Variants in DHX58 observed in about 807,000 individuals in gnomAD.
DHX58 encodes DExH-box helicase 58.
DHX58 carries 51 observed loss-of-function variants against 65.0 expected under a neutral mutation model. The observed-to-expected ratio is 0.78, with a 90% confidence interval of 0.63 to 0.99. DHX58 has a LOEUF of 0.99. DHX58 is among the 50% of genes least tolerant of loss of function. The probability of loss-of-function intolerance (pLI) is 0.00; values close to 1 mark genes in which losing one functional copy is unlikely to be tolerated. For missense variants in DHX58, 773 were observed against 891.8 expected (o/e 0.87, Z 1.70); for synonymous variants, 350 against 365.0 (o/e 0.96, Z 0.47).
Position 42,102,330 on chromosome 17 carries a change from T to G in DHX58, c.1755-18A>C. ...AGTAGTTCCTGGAGAGGAAGGGGGG[T>G]GGCCACAGCCCTCATTGACCCTCCT... On this transcript the variant is annotated intron_variant, in intron 12 of 13. Coordinates refer to ENST00000251642, the MANE Select transcript of DHX58 (RefSeq NM_024119.3). The G allele has an allele frequency of 6.2e-7, 1 of 1,609,070 alleles. No homozygotes were observed. Among genetic ancestry groups the G allele is most frequent in the Non-Finnish European group, 8.5e-7 (1 of 1,175,652 alleles).
intron 12 of DHX58, chr17:42,102,518 C>T (rs1414975857): frequency 5.5e-6 from 3 of 549,944 alleles, no homozygotes; most frequent in Non-Finnish European, 9.8e-6. Flanking sequence ...AGGTTCAAGC[C>T]TCAGCATCGG....
At position 42,110,793 on chromosome 17, in the gene DHX58, A is replaced by G; in HGVS notation, c.491T>C (p.Leu164Pro). The part of the protein sequence containing the change: ...LQRAQPLPQV[L>P]GLTASPGTGG... ...AGTGCCTGGGGAGGCTGTGAGACCC[A>G]GCACCTGGGGTAGCGGCTGTGCCCT... The change falls in exon 5 of 14, where the codon CTG becomes CCG. Residue 164 changes from leucine to proline, a missense_variant. By Grantham distance (98) the Leu-to-Pro change is moderately conservative. Coordinates refer to ENST00000251642, the MANE Select transcript of DHX58 (RefSeq NM_024119.3). 1 of 1,613,878 alleles carries G rather than the reference A, an allele frequency of 6.2e-7. No homozygotes were observed. Among genetic ancestry groups the G allele is most frequent in the Non-Finnish European group, 8.5e-7 (1 of 1,179,896 alleles).
chr17:42,101,836 G>A lies in DHX58; in HGVS notation c.1962C>T (p.Arg654=), dbSNP rs140725724. Residue 654 remains arginine, a synonymous_variant, in exon 14 of 14, where the codon CGC becomes CGT. Coordinates refer to ENST00000251642, the MANE Select transcript of DHX58 (RefSeq NM_024119.3). ...QGRIQAKKWS[R]VPFSVPDFDF... is the part of the protein sequence containing the mutation. ...CAAAGTCAGGCACGGAGAAGGGCACGCGGGACCACTTTTTGGCCTGGATCC... is the reference window on the plus strand; with the variant it reads ...CAAAGTCAGGCACGGAGAAGGGCACACGGGACCACTTTTTGGCCTGGATCC... 34 of 1,614,132 alleles carry A rather than the reference G, an allele frequency of 2.1e-5. No homozygotes were observed. Among genetic ancestry groups the A allele is most frequent in the South Asian group, 3.3e-5 (3 of 91,094 alleles).
chr17:42,110,551 C>CT (rs2054133086), intron 5 of DHX58, among the ~76,000 whole-genome samples, 172 bp downstream of exon 5: 1 of 152,184 alleles, frequency 6.6e-6, no homozygotes, highest in Non-Finnish European at 1.5e-5. Flanking sequence ...GGAGTTAATT[C>CT]TTTGTACCAT....
In DHX58 at chr17:42,105,979, A is replaced by G; in HGVS notation, c.1008T>C (p.Asn336=). 6.2e-7 allele frequency: 1 copy of G among 1,612,900 alleles called. No homozygotes were observed. The highest frequency in any genetic ancestry group is 8.5e-7 in the Non-Finnish European group (1 of 1,179,572). ...RLLALFDDRK[N]ELAHLATHGP... ...CATGAGTTGCCAAGTGGGCCAGCTC[A>G]TTCTTGCGGTCTGTCAAAAACCCCA... Residue 336 remains asparagine, a synonymous_variant, in exon 9 of 14, where the codon AAT becomes AAC. Transcript: ENST00000251642.
chr17:42,104,780 C>A lies in DHX58; in HGVS notation c.1549G>T (p.Glu517Ter). Residue 517 changes from glutamate (E) to a stop codon, truncating the protein, a stop_gained, in exon 11 of 14, where the codon GAG becomes TAG. Transcript: ENST00000251642. LOFTEE classifies it high-confidence loss of function. ...VAAVQKMDQA[E>*]YQAKIRDLQQ... Reference sequence around the variant, plus strand: ...TGCCTGCAGACCTTGGCCTGGTACTCGGCCTGGTCCATTTTCTGCACAGCA... The same window carrying A: ...TGCCTGCAGACCTTGGCCTGGTACTAGGCCTGGTCCATTTTCTGCACAGCA... 6.2e-7 allele frequency: 1 copy of A among 1,613,928 alleles called. No homozygotes were observed.
rs782627793 is a variant in DHX58, at chr17:42,110,894, C to T, written c.390G>A (p.Val130=). The change falls in exon 5 of 14, where the codon GTG becomes GTA. Residue 130 remains valine (V), a synonymous_variant. Transcript: ENST00000251642. ...CCTTGTGCGTGTGGTGGCACTCATC[C>T]ACCACGATCAGGGAGAAGACTGAGG... is the stretch of plus-strand genomic sequence containing the variant. The part of the protein sequence containing the change: ...VELTVFSLIV[V]DECHHTHKDT... 14 of 1,610,264 alleles carry T rather than the reference C, an allele frequency of 8.7e-6. No individual in the cohort carries two copies. The highest frequency in any genetic ancestry group is 1.2e-5 in the Non-Finnish European group (14 of 1,178,086).
At chr17:42,102,601 C>T (rs2053996534) in intron 12 of DHX58, 2 of 346,590 alleles carry the variant, frequency 5.8e-6, no homozygotes, top group Non-Finnish European at 5.3e-6. Flanking sequence ...GCCATCCTTC[C>T]ACCAACTGCT....
intron 8 of DHX58, among the ~76,000 whole-genome samples, chr17:42,106,445 G>C (rs1340797416): frequency 2.4e-5 from 3 of 122,856 alleles, no homozygotes; most frequent in Non-Finnish European, 5.0e-5. Context: ...GGGGGGTGGG[G>C]GGTGGGGGAA....
chr17:42,103,659 T>C lies in DHX58; in HGVS notation c.1703A>G (p.Asp568Gly). 6.2e-7 allele frequency: 1 copy of C among 1,613,958 alleles called. No individual in the cohort carries two copies. The highest frequency in any genetic ancestry group is 8.5e-7 in the Non-Finnish European group (1 of 1,180,026). The change falls in exon 12 of 14, where the codon GAC becomes GGC. Residue 568 changes from aspartate (D) to glycine (G), a missense_variant. By Grantham distance (94) the Asp-to-Gly change is moderately conservative. Coordinates refer to ENST00000251642, the MANE Select transcript of DHX58 (RefSeq NM_024119.3). ...NCMVAVGHGS[D>G]LRKVEGTHHV... ...GTGGGTGCCCTCCACCTTCCGCAGG[T>C]CGCTGCCATGGCCCACAGCCACCAT...
At chr17:42,107,912 C>A (rs2054089455) in intron 7 of DHX58, 70 bp downstream of exon 7, 1 of 1,603,436 alleles carries the variant, frequency 6.2e-7, no homozygotes, top group East Asian at 2.2e-5. Context: ...CCAAAGGCCT[C>A]CGCCCCGGCA....
intron 8 of DHX58, 93 bp from the exon 9 acceptor site, chr17:42,106,082 C>T: frequency 5.0e-6 from 7 of 1,408,766 alleles, no homozygotes; most frequent in Non-Finnish European, 6.7e-6. Flanking sequence ...TCGCTTAAGC[C>T]TAGGAGGTCA....
chr17:42,105,785 TG>T lies in DHX58; in HGVS notation c.1201del (p.Gln401SerfsTer3), dbSNP rs1162152117. ...GCTGTTCCCAGCCCCAATCAGTAGC[TG>T]GGCCCGGATGTCCACAGTCTGCAGG... ...QGLQTVDIRAQLLIGAGNSSQ... is the reference protein window; with the variant it reads ...QGLQTVDIRAXLLIGAGNSSQ... On this transcript the variant is annotated frameshift_variant, in exon 9 of 14. Transcript: ENST00000251642. LOFTEE classifies it high-confidence loss of function. 3 of 1,610,448 alleles carry T rather than the reference TG, an allele frequency of 1.9e-6. No homozygotes were observed. Among genetic ancestry groups the T allele is most frequent in the Non-Finnish European group, 2.5e-6 (3 of 1,178,058 alleles).
At chr17:42,106,127 C>T in intron 8 of DHX58, 138 bp from the exon 9 acceptor site, 1 of 806,894 alleles carries the variant, frequency 1.2e-6, no homozygotes, top group Non-Finnish European at 1.9e-6. Context: ...CCACTGCACT[C>T]CAGGCTGTGT....
At chr17:42,111,223 A>C (rs1464667597) in intron 4 of DHX58, 73 bp downstream of exon 4, 5 of 1,547,296 alleles carry the variant, frequency 3.2e-6, no homozygotes, top group Non-Finnish European at 4.4e-6. Flanking sequence ...CCTTGACTCC[A>C]GGAGGTGCCC....
Position 42,111,843 on chromosome 17 carries a change from C to G in DHX58, c.50G>C (p.Gly17Ala). The G allele has an allele frequency of 6.2e-7, 1 of 1,613,964 alleles. No individual in the cohort carries two copies. The highest frequency in any genetic ancestry group is 8.5e-7 in the Non-Finnish European group (1 of 1,179,900). Residue 17 changes from glycine to alanine, a missense_variant, in exon 3 of 14, where the codon GGC becomes GCC. By Grantham distance (60) the Gly-to-Ala change is moderately conservative. Coordinates refer to ENST00000251642, the MANE Select transcript of DHX58 (RefSeq NM_024119.3). The part of the protein sequence containing the change: ...QWEVIMPALE[G>A]KNIIIWLPTG... ...GGGCAGCCAGATGATGATATTCTTG[C>G]CCTCCAGGGCAGGCATGATCACCTC...
At chr17:42,102,006 C>T (rs2053986883) in intron 13 of DHX58, 60 bp from the exon 14 acceptor site, 5 of 1,535,278 alleles carry the variant, frequency 3.3e-6, no homozygotes, top group Admixed American at 4.0e-5. Context: ...GGCTTCTCTC[C>T]TCAAGTTGGA....
intron 6 of DHX58, 131 bp downstream of exon 6, chr17:42,109,139 G>T: frequency 5.6e-6 from 4 of 712,082 alleles, no homozygotes; most frequent in Non-Finnish European, 8.9e-6. Context: ...ACAGAAAGGA[G>T]AAATTGAGGC....
At chr17:42,105,628 T>A (rs1258293906) in intron 9 of DHX58, 108 bp downstream of exon 9, 14 of 1,473,336 alleles carry the variant, frequency 9.5e-6, no homozygotes, top group Non-Finnish European at 3.6e-6. Flanking sequence ...ACTTTCTCTT[T>A]CCCCAGGGTC....
Sources: gnomAD v4.1 joint callset for allele counts (sites outside exome capture counted in the v4.1 genomes callset) on GRCh38, gnomAD v4.1.1 for gene constraint, MANE v1.5 for transcripts, NCBI Gene and HGNC (gene_info 2026-07-23, HGNC 2026-07-21) for gene names.